The following TRAPPC9 variants were observed in gnomAD, a reference collection of about 807,000 sequenced individuals.
TRAPPC9 encodes trafficking protein particle complex subunit 9, also known as IKK2 binding protein.
TRAPPC9 carries 83 observed loss-of-function variants against 124.0 expected under a neutral mutation model. The observed-to-expected ratio is 0.67, with a 90% CI of 0.56 to 0.80. TRAPPC9 has a LOEUF of 0.80. Among genes scored for constraint, TRAPPC9 ranks in the 30% least tolerant of loss-of-function variants. TRAPPC9 has a pLI of 0.00. For synonymous variants in TRAPPC9, 638 were observed against 617.5 expected (o/e 1.03, Z -0.49); for missense variants, 1,302 against 1,508.3 (o/e 0.86, Z 2.27).
chr8:140,091,770 T>C (rs1844580591), intron 17 of TRAPPC9, among the ~76,000 whole-genome samples: 2 of 152,134 alleles, frequency 1.3e-5, no homozygotes. Flanking sequence ...GCGATGAAGT[T>C]ACAAAAATAA....
intron 21 of TRAPPC9, among the ~76,000 whole-genome samples, chr8:139,737,930 C>G (rs917732904): frequency 6.6e-6 from 1 of 152,176 alleles, no homozygotes; most frequent in Non-Finnish European, 1.5e-5. Flanking sequence ...ATTTCGACAG[C>G]TTCTCCAGGG....
At chr8:139,958,734 G>A (rs188963801) in intron 19 of TRAPPC9, among the ~76,000 whole-genome samples, 7 of 152,322 alleles carry the variant, frequency 4.6e-5, no homozygotes, top group Admixed American at 2.0e-4. Flanking sequence ...GACACGCCCC[G>A]AGGCAGGACA....
At chr8:139,901,001 TA>T (rs57364146) in intron 20 of TRAPPC9, among the ~76,000 whole-genome samples, 17,641 of 85,616 alleles carry the variant, frequency 0.21, 1,208 homozygotes, top group African/African-American at 0.33. Context: ...AATAAATAAA[TA>T]AAATAAATAA....
intron 19 of TRAPPC9, among the ~76,000 whole-genome samples, chr8:139,965,569 C>G (rs1835646557): frequency 6.6e-6 from 1 of 152,158 alleles, no homozygotes; most frequent in African/African-American, 2.4e-5. Flanking sequence ...GAACAAAGAA[C>G]AAAGGTTTCC....
At chr8:139,879,151 G>A (rs1444014135) in intron 21 of TRAPPC9, among the ~76,000 whole-genome samples, 1 of 152,198 alleles carries the variant, frequency 6.6e-6, no homozygotes, top group African/African-American at 2.4e-5. Context: ...GGCTTCTAGG[G>A]AGCTGCAGCC....
In TRAPPC9 at chr8:140,326,977, C is replaced by T. The variant is rs192769216; in HGVS notation, c.1496-15603G>A. On this transcript the variant is annotated intron_variant, in intron 9 of 22. Transcript: ENST00000438773. The stretch of plus-strand genomic sequence containing the variant: ...GCAAAAAACAATCATCCAGGCCGGG[C>T]GCGGTGGCTCATGCCTGTAATCCCA... 4.9e-4 allele frequency among the ~76,000 whole-genome samples: 74 copies of T among 152,160 alleles called. No individual in the cohort carries two copies. The East Asian group carries it at 0.014, about 28-fold the overall frequency.
intron 17 of TRAPPC9, among the ~76,000 whole-genome samples, chr8:140,209,769 T>C (rs578076545): frequency 2.6e-5 from 4 of 152,352 alleles, no homozygotes; most frequent in Admixed American, 1.3e-4. Context: ...GAGGGTCAGA[T>C]AGGCTAAAGG....
chr8:140,049,126 G>A (rs372971989), intron 17 of TRAPPC9, among the ~76,000 whole-genome samples: 25 of 152,194 alleles, frequency 1.6e-4, no homozygotes, highest in African/African-American at 6.0e-4. Flanking sequence ...TCATAGCTAG[G>A]GGACTCTCTT....
intron 20 of TRAPPC9, among the ~76,000 whole-genome samples, chr8:139,901,467 C>T (rs894017150): frequency 1.3e-5 from 2 of 152,154 alleles, no homozygotes; most frequent in Admixed American, 6.5e-5. Context: ...GCTGAGCTCC[C>T]TGGTGTGAGA....
intron 17 of TRAPPC9, among the ~76,000 whole-genome samples, chr8:140,141,998 T>A (rs1021783475): frequency 6.6e-6 from 1 of 152,222 alleles, no homozygotes; most frequent in Non-Finnish European, 1.5e-5. Context: ...ACAGGGCTGA[T>A]AGACTCTTCC....
At chr8:140,190,956 A>G (rs1191749565) in intron 17 of TRAPPC9, among the ~76,000 whole-genome samples, 1 of 152,160 alleles carries the variant, frequency 6.6e-6, no homozygotes, top group Non-Finnish European at 1.5e-5. Context: ...CGGATTCTCA[A>G]GTTCAGTGTC....
intron 17 of TRAPPC9, chr8:140,099,160 A>G (rs2060519835): frequency 1.3e-5 from 2 of 151,870 alleles, no homozygotes; most frequent in Admixed American, 6.6e-5. Flanking sequence ...TCCGCAGGGT[A>G]CTGACGCCCT....
intron 19 of TRAPPC9, among the ~76,000 whole-genome samples, chr8:139,912,523 T>C (rs1229024865): frequency 1.3e-5 from 2 of 152,208 alleles, no homozygotes; most frequent in Non-Finnish European, 2.9e-5. Flanking sequence ...TTCCCAGACA[T>C]GGAGCCACTC....
chr8:139,818,067 T>A (rs2130780756), intron 21 of TRAPPC9, among the ~76,000 whole-genome samples: 1 of 152,300 alleles, frequency 6.6e-6, no homozygotes, highest in Non-Finnish European at 1.5e-5. Context: ...CTTACTATCC[T>A]GATTTCATGG....
At chr8:139,948,981 G>A (rs1834457672) in intron 19 of TRAPPC9, among the ~76,000 whole-genome samples, 1 of 152,164 alleles carries the variant, frequency 6.6e-6, no homozygotes, top group African/African-American at 2.4e-5. Context: ...GCTGAGGCGG[G>A]AGAATCGCTT....
chr8:140,382,826 C>T (rs563427085), intron 7 of TRAPPC9, among the ~76,000 whole-genome samples: 7 of 152,286 alleles, frequency 4.6e-5, no homozygotes, highest in South Asian at 4.1e-4. Context: ...TCTCCCAGCA[C>T]GGAGTTTGAG....
chr8:140,237,453 T>C (rs988609915), intron 16 of TRAPPC9, among the ~76,000 whole-genome samples: 6 of 151,790 alleles, frequency 4.0e-5, no homozygotes, highest in African/African-American at 1.5e-4. Flanking sequence ...CAAACTTTGC[T>C]GCACATTAGA....
chr8:140,037,296 G>A (rs539359451), intron 17 of TRAPPC9, among the ~76,000 whole-genome samples: 9 of 151,842 alleles, frequency 5.9e-5, no homozygotes, highest in Non-Finnish European at 1.2e-4. Context: ...ACAAAACACC[G>A]AGAACAGTGC....
chr8:140,455,881 T>C (rs1475992400), intron 1 of TRAPPC9, among the ~76,000 whole-genome samples: 1 of 152,208 alleles, frequency 6.6e-6, no homozygotes, highest in African/African-American at 2.4e-5. Flanking sequence ...TGAATAACTT[T>C]AGAGCACTGT....
Sources: allele counts gnomAD v4.1 joint callset (sites outside exome capture counted in the v4.1 genomes callset), GRCh38; gene constraint gnomAD v4.1.1; transcripts MANE v1.5; gene names NCBI Gene and HGNC (gene_info 2026-07-23, HGNC 2026-07-21).